Variants in HECW1 observed in about 807,000 individuals in gnomAD.
HECW1 encodes HECT, C2 and WW domain containing E3 ubiquitin protein ligase 1.
HECW1 carries 61 observed loss-of-function variants against 182.3 expected under a neutral mutation model. The ratio of observed to expected loss-of-function variants is 0.33; its 90% CI spans 0.27 to 0.41. The LOEUF (loss-of-function observed/expected upper bound fraction) is 0.41, where lower values mean the gene tolerates loss of function less well. HECW1 is among the 10% of genes least tolerant of loss of function. The pLI is 1.00. For synonymous variants in HECW1, 859 were observed against 832.6 expected (o/e 1.03, Z -0.55); for missense variants, 1,739 against 2,108.9 (o/e 0.82, Z 3.44).
At chr7:43,436,597 G>A (rs905017199) in intron 8 of HECW1, among the ~76,000 whole-genome samples, 4 of 152,162 alleles carry the variant, frequency 2.6e-5, no homozygotes, top group Non-Finnish European at 5.9e-5. Context: ...GAGCTTCTGA[G>A]CCAGGAGAAG....
Position 43,346,445 on chromosome 7 carries a change from A to G in HECW1, c.461-14441A>G, listed in dbSNP as rs146303238. On this transcript the variant is annotated intron_variant, in intron 5 of 29. Coordinates refer to ENST00000395891, the MANE Select transcript of HECW1 (RefSeq NM_015052.5). ...GATTTTCTCCCAATATGTGGGTTGT[A>G]TGTTTATTCTCCTGACTGTTCCTTG... Among the ~76,000 whole-genome samples the G allele has an allele frequency of 2.8e-3, 425 of 152,120 alleles. 5 individuals are homozygous for G. The highest frequency in any genetic ancestry group is 9.5e-3 in the African/African-American group (395 of 41,502).
At chr7:43,515,374 A>C (rs2080095315) in intron 24 of HECW1, among the ~76,000 whole-genome samples, 1 of 152,202 alleles carries the variant, frequency 6.6e-6, no homozygotes. Flanking sequence ...TTACAAGTGG[A>C]AGATGAACTG....
At chr7:43,281,713 CTTTTTTTT>C (rs55860415) in intron 3 of HECW1, among the ~76,000 whole-genome samples, 1 of 77,348 alleles carries the variant, frequency 1.3e-5, no homozygotes, top group Non-Finnish European at 2.4e-5. Flanking sequence ...TCTTTGCTTT[CTTTTTTTT>C]TTTTTTTTTT....
At position 43,466,434 on chromosome 7, in the gene HECW1, C is replaced by T; in HGVS notation, c.2792-13C>T. ...CCCAATGCATTCTGTTGCTTTGCTT[C>T]ACTTTTTTTCAGATCTAAGGAGAGA... On this transcript the variant is annotated splice_polypyrimidine_tract_variant and intron_variant, in intron 14 of 29. Transcript: ENST00000395891. 6.2e-7 allele frequency: 1 copy of T among 1,612,724 alleles called. No homozygotes were observed. The highest frequency in any genetic ancestry group is 8.5e-7 in the Non-Finnish European group (1 of 1,179,200).
intron 21 of HECW1, among the ~76,000 whole-genome samples, chr7:43,505,654 T>G (rs1232421321): frequency 1.3e-5 from 2 of 152,216 alleles, no homozygotes; most frequent in Non-Finnish European, 2.9e-5. Context: ...TTGCACATGC[T>G]GATCTTCCAC....
chr7:43,383,782 A>C (rs2074656127), intron 6 of HECW1, among the ~76,000 whole-genome samples: 1 of 152,008 alleles, frequency 6.6e-6, no homozygotes, highest in Non-Finnish European at 1.5e-5. Context: ...GACTCCCCCA[A>C]AACTTAACCA....
intron 7 of HECW1, among the ~76,000 whole-genome samples, chr7:43,400,293 A>G (rs914104654): frequency 1.3e-5 from 2 of 152,164 alleles, no homozygotes; most frequent in African/African-American, 4.8e-5. Context: ...CAAGACAGAA[A>G]GATCAGCAAA....
chr7:43,230,751 CACAT>C lies in HECW1; in HGVS notation c.-31-13120_-31-13117del, dbSNP rs1408984896. Among the ~76,000 whole-genome samples, 11 of 152,056 alleles carry C rather than the reference CACAT, an allele frequency of 7.2e-5. 1 individual carries two copies. The highest frequency in any genetic ancestry group is 1.9e-4 in the African/African-American group (8 of 41,382). ...ATACGTATATAAATTATATGTCTCT[CACAT>C]ACAGAGAGACAGAAAAAGGAAAAAC... On this transcript the variant is annotated intron_variant, in intron 2 of 29. Transcript: ENST00000395891.
At chr7:43,149,536 G>T (rs1259408946) in intron 2 of HECW1, among the ~76,000 whole-genome samples, 1 of 152,188 alleles carries the variant, frequency 6.6e-6, no homozygotes, top group African/African-American at 2.4e-5. Context: ...GAACAGAAAA[G>T]TGATGTTGGT....
At chr7:43,255,987 A>G (rs1397060555) in intron 3 of HECW1, among the ~76,000 whole-genome samples, 2 of 152,234 alleles carry the variant, frequency 1.3e-5, no homozygotes, top group African/African-American at 4.8e-5. Context: ...ATTATTTAAT[A>G]TGAAGAGGTA....
At chr7:43,448,558 A>C (rs934191887) in intron 11 of HECW1, among the ~76,000 whole-genome samples, 7 of 152,204 alleles carry the variant, frequency 4.6e-5, no homozygotes, top group African/African-American at 7.2e-5. Context: ...ATTTAATGAG[A>C]TGATACTACA....
intron 5 of HECW1, among the ~76,000 whole-genome samples, chr7:43,338,660 G>C (rs1235319813): frequency 6.6e-6 from 1 of 152,142 alleles, no homozygotes; most frequent in East Asian, 1.9e-4. Flanking sequence ...ACACAGAAAA[G>C]TGCACAAATT....
At position 43,444,203 on chromosome 7, in the gene HECW1, T is replaced by C. The variant is rs1416207465; in HGVS notation, c.1046-15T>C. 3 of 1,585,404 alleles carry C rather than the reference T, an allele frequency of 1.9e-6. No homozygotes were observed. The highest frequency in any genetic ancestry group is 2.6e-6 in the Non-Finnish European group (3 of 1,163,326). ...TCTTCTGGGAGAAATGACATATTTTTCTTCTTACCAGCAGATGATGAGGAG... is the reference window on the plus strand; with the variant it reads ...TCTTCTGGGAGAAATGACATATTTTCCTTCTTACCAGCAGATGATGAGGAG... On this transcript the variant is annotated splice_polypyrimidine_tract_variant and intron_variant, in intron 10 of 29. Transcript: ENST00000395891. The surrounding 1 kb of genome is among the most constrained non-coding windows in gnomAD (Gnocchi z 4.3).
chr7:43,387,196 C>T (rs2074834395), intron 6 of HECW1, among the ~76,000 whole-genome samples: 1 of 152,144 alleles, frequency 6.6e-6, no homozygotes, highest in African/African-American at 2.4e-5. Flanking sequence ...TTCTCCCTCC[C>T]CTCCTCACAC....
intron 2 of HECW1, among the ~76,000 whole-genome samples, chr7:43,219,555 T>C (rs1349377195): frequency 3.3e-5 from 5 of 151,926 alleles, no homozygotes; most frequent in Non-Finnish European, 7.4e-5. Context: ...CTTACAACTC[T>C]AAGGGGGTGT....
intron 17 of HECW1, among the ~76,000 whole-genome samples, chr7:43,482,704 G>T (rs1276582952): frequency 6.6e-6 from 1 of 152,164 alleles, no homozygotes; most frequent in Non-Finnish European, 1.5e-5. Context: ...CTAGGAGTTT[G>T]CAACCAGTCT....
intron 4 of HECW1, among the ~76,000 whole-genome samples, chr7:43,315,050 G>A (rs1809030030): frequency 6.6e-6 from 1 of 152,204 alleles, no homozygotes; most frequent in African/African-American, 2.4e-5. Context: ...CAAATGTCCA[G>A]CAGAGGCCAG....
At chr7:43,220,565 A>T (rs1174045050) in intron 2 of HECW1, among the ~76,000 whole-genome samples, 1 of 152,154 alleles carries the variant, frequency 6.6e-6, no homozygotes, top group African/African-American at 2.4e-5. Flanking sequence ...GCTCTAGCAT[A>T]AACTATTAGA....
intron 24 of HECW1, among the ~76,000 whole-genome samples, chr7:43,524,493 AAG>A (rs1274622239): frequency 2.0e-5 from 3 of 152,372 alleles, no homozygotes; most frequent in Admixed American, 6.5e-5. Flanking sequence ...AGGATAAGGA[AAG>A]AGGGGTATCT....
Sources: allele counts gnomAD v4.1 joint callset (sites outside exome capture counted in the v4.1 genomes callset), GRCh38; gene constraint gnomAD v4.1.1; non-coding constraint Gnocchi (gnomAD v3.1); transcripts MANE v1.5; gene names NCBI Gene and HGNC (gene_info 2026-07-23, HGNC 2026-07-21).